CCHCR1: variants seen among roughly 807,000 people sequenced by gnomAD.
CCHCR1 encodes the protein coiled-coil alpha-helical rod protein 1, also known as HCR (a-helix coiled-coil rod homologue).
In CCHCR1, 91 loss-of-function variants were observed where a neutral mutation model predicts 114.6. The observed-to-expected ratio is 0.79, with a 90% CI of 0.67 to 0.94. The LOEUF (loss-of-function observed/expected upper bound fraction) is 0.94. CCHCR1 is among the 40% of genes least tolerant of loss of function. CCHCR1 has a pLI of 0.00. For synonymous variants in CCHCR1, 379 were observed against 428.5 expected (o/e 0.88, Z 1.43); for missense variants, 899 against 1,079.9 (o/e 0.83, Z 2.35).
chr6:31,148,296 T>A, intron 10 of CCHCR1, 109 bp downstream of exon 10: 1 of 702,612 alleles, frequency 1.4e-6, no homozygotes, highest in Non-Finnish European at 2.5e-6. Context: ...CCCTGTAGCC[T>A]CCAGTGGCCA....
At position 31,151,853 on chromosome 6, in the gene CCHCR1, C is replaced by T. The variant is rs1775272656; in HGVS notation, c.802-731G>A. ...GAGCCACCAAGAGTCATGGGATGGA[C>T]TGGAAAGGAGGGCAAAGTGCCCACC... On this transcript the variant is annotated intron_variant, in intron 4 of 17. Coordinates refer to ENST00000396268, the MANE Select transcript of CCHCR1 (RefSeq NM_001105564.2). This position sits in a 1 kb window ranked among gnomAD's most constrained non-coding sequence, Gnocchi z 4.1. 6.6e-6 allele frequency among the ~76,000 whole-genome samples: 1 copy of T among 152,162 alleles called. No homozygotes were observed.
At position 31,150,573 on chromosome 6, in the gene CCHCR1, C is replaced by T; in HGVS notation, c.1102-8G>A. The stretch of plus-strand genomic sequence containing the variant: ...CCGGTCCTCCTGCAAGTGCTGCGGG[C>T]AGAGGAAAGCAGCCCCTCTGTAGGG... On this transcript the variant is annotated splice_polypyrimidine_tract_variant and splice_region_variant and intron_variant, in intron 6 of 17. Transcript: ENST00000396268. The surrounding 1 kb of genome is among the most constrained non-coding windows in gnomAD (Gnocchi z 5.3). 6.2e-7 allele frequency: 1 copy of T among 1,608,100 alleles called. No individual in the cohort carries two copies. Among genetic ancestry groups the T allele is most frequent in the South Asian group, 1.1e-5 (1 of 90,738 alleles).
rs1774977819 is a variant in CCHCR1 at position 31,150,018 on chromosome 6, G to C, written c.1362+48C>G. 1 of 1,601,154 alleles carries C rather than the reference G, an allele frequency of 6.2e-7. No individual in the cohort carries two copies. The highest frequency in any genetic ancestry group is 8.6e-7 in the Non-Finnish European group (1 of 1,169,438). ...TGAATGGATGCCACCTTCATGGAAG[G>C]AGCAAGGTGCTGGGAGGGAATACCG... On this transcript the variant is annotated intron_variant, in intron 8 of 17. Coordinates refer to ENST00000396268, the MANE Select transcript of CCHCR1 (RefSeq NM_001105564.2). The surrounding 1 kb of genome is among the most constrained non-coding windows in gnomAD (Gnocchi z 5.3).
Position 31,144,750 on chromosome 6 carries a change from G to A in CCHCR1, c.2104C>T (p.Arg702Trp), listed in dbSNP as rs765641720. ...EKVAEVETRLREQLSDTERRL... is the reference protein window; with the variant it reads ...EKVAEVETRLWEQLSDTERRL... ...CTCTCTGTGTCTGAGAGTTGCTCCC[G>A]CAGCCGAGTTTCCACTTCAGCCACC... The change falls in exon 15 of 18, where the codon CGG (arginine) becomes TGG (tryptophan). Residue 702 changes from arginine to tryptophan, a missense_variant. Arg to Trp is a moderately radical substitution (Grantham distance 101). Transcript: ENST00000396268. This position sits in a 1 kb window ranked among gnomAD's most constrained non-coding sequence, Gnocchi z 4.6. 5.0e-6 allele frequency: 8 copies of A among 1,613,732 alleles called. No individual in the cohort carries two copies. In the African/African-American group the frequency reaches 5.3e-5, roughly 11 times the overall value.
At chr6:31,148,586 C>T (rs1033734996) in intron 9 of CCHCR1, 32 bp downstream of exon 9, 2 of 1,598,012 alleles carry the variant, frequency 1.3e-6, no homozygotes, top group Non-Finnish European at 8.6e-7. Flanking sequence ...GCTCCCTTGC[C>T]CTCCCCGAGT....
chr6:31,144,431 GT>G lies in CCHCR1; in HGVS notation c.2167+255del. On this transcript the variant is annotated intron_variant, in intron 15 of 17. Coordinates refer to ENST00000396268, the MANE Select transcript of CCHCR1 (RefSeq NM_001105564.2). The surrounding 1 kb of genome is among the most constrained non-coding windows in gnomAD (Gnocchi z 4.6). ...GCTGGCCTCAAACTCCTGACCTCAG[GT>G]GATACACCCACCTCGGCCTCCCAAA... The G allele has an allele frequency of 2.4e-6, 1 of 425,020 alleles. No homozygotes were observed. Among genetic ancestry groups the G allele is most frequent in the Non-Finnish European group, 4.2e-6 (1 of 240,734 alleles). 26.3% of individuals were successfully genotyped at this position (425,020 alleles called of 1,614,324 possible).
At position 31,154,173 on chromosome 6, in the gene CCHCR1, C is replaced by G. The variant is rs963705261; in HGVS notation, c.801+323G>C. 6.6e-6 allele frequency among the ~76,000 whole-genome samples: 1 copy of G among 152,126 alleles called. No homozygotes were observed. Among genetic ancestry groups the G allele is most frequent in the South Asian group, 2.1e-4 (1 of 4,832 alleles). On this transcript the variant is annotated intron_variant, in intron 4 of 17. Coordinates refer to ENST00000396268, the MANE Select transcript of CCHCR1 (RefSeq NM_001105564.2). This position sits in a 1 kb window ranked among gnomAD's most constrained non-coding sequence, Gnocchi z 4.1. ...ACCATAGCCCCCTTATACCCACCTT[C>G]CTCACTGCCCTCCACAATACCCCTG...
intron 10 of CCHCR1, among the ~76,000 whole-genome samples, chr6:31,147,622 G>C (rs1774542865): frequency 1.3e-5 from 2 of 152,144 alleles, no homozygotes; most frequent in African/African-American, 4.8e-5. Flanking sequence ...ATTTTAGATG[G>C]AATAGTAAGC....
intron 3 of CCHCR1, among the ~76,000 whole-genome samples, chr6:31,155,135 G>T (rs1012068068): frequency 6.6e-6 from 1 of 152,048 alleles, no homozygotes; most frequent in African/African-American, 2.4e-5. Flanking sequence ...TTTTTTGGTG[G>T]TTTTTTTGTC....
At chr6:31,146,034 C>T (rs1390120527) in intron 10 of CCHCR1, among the ~76,000 whole-genome samples, 3 of 152,190 alleles carry the variant, frequency 2.0e-5, no homozygotes, top group East Asian at 1.9e-4. Context: ...TGCTCACTAT[C>T]GTGTATCAAA....
intron 10 of CCHCR1, among the ~76,000 whole-genome samples, chr6:31,146,862 C>T (rs1389854507): frequency 1.3e-5 from 2 of 152,112 alleles, no homozygotes; most frequent in Non-Finnish European, 1.5e-5. Flanking sequence ...AGGGGGCACC[C>T]GCGATGGATT....
Position 31,157,699 on chromosome 6 carries a change from G to C in CCHCR1, c.-99C>G, listed in dbSNP as rs2151077740. The C allele has an allele frequency of 2.1e-6, 2 of 949,806 alleles. No individual in the cohort carries two copies. Among genetic ancestry groups the C allele is most frequent in the Non-Finnish European group, 3.1e-6 (2 of 637,082 alleles). 58.8% of individuals were successfully genotyped at this position (949,806 alleles called of 1,614,324 possible). ...GACATCTTATTCAAATCTTTCCTGC[G>C]GCTGTTCTCTCAGCTTCTCTCTACT... is the stretch of plus-strand genomic sequence containing the variant. On this transcript the variant is annotated 5_prime_UTR_variant, in exon 1 of 18. Coordinates refer to ENST00000396268, the MANE Select transcript of CCHCR1 (RefSeq NM_001105564.2).
chr6:31,149,984 A>G, intron 8 of CCHCR1, 82 bp downstream of exon 8: 1 of 1,510,154 alleles, frequency 6.6e-7, no homozygotes, highest in Non-Finnish European at 9.1e-7. Flanking sequence ...CCACTCAATA[A>G]ACACTGGTTG....
rs749891944 is a variant in CCHCR1 at position 31,156,720 on chromosome 6, T to C, written c.497+11A>G. The C allele has an allele frequency of 8.7e-6, 14 of 1,605,726 alleles. No homozygotes were observed. In the South Asian group the frequency reaches 1.5e-4, roughly 18 times the overall value. Reference sequence around the variant, plus strand: ...AGCAAGCCTGAGAAAACGGCGTGGATGGATCCCTACCTGCCTCTCCGCCCT... The same window carrying C: ...AGCAAGCCTGAGAAAACGGCGTGGACGGATCCCTACCTGCCTCTCCGCCCT... On this transcript the variant is annotated intron_variant, in intron 3 of 17. Coordinates refer to ENST00000396268, the MANE Select transcript of CCHCR1 (RefSeq NM_001105564.2).
At chr6:31,146,985 A>G (rs2240062) in intron 10 of CCHCR1, among the ~76,000 whole-genome samples, 127,738 of 152,160 alleles carry the variant, frequency 0.84, 53,865 homozygotes, top group Middle Eastern at 0.95. Context: ...GAAGGAAGTG[A>G]TGGGCAAGGA....
chr6:31,156,993 C>T (rs759094226), intron 2 of CCHCR1, 30 bp downstream of exon 2: 1 of 1,610,892 alleles, frequency 6.2e-7, no homozygotes, highest in Non-Finnish European at 8.5e-7. Context: ...GCAGAGACAA[C>T]CACCACTCCC....
Position 31,153,468 on chromosome 6 carries a change from G to C in CCHCR1, c.801+1028C>G, listed in dbSNP as rs1208656280. 1.3e-5 allele frequency among the ~76,000 whole-genome samples: 2 copies of C among 151,762 alleles called. 1 individual carries two copies. On this transcript the variant is annotated intron_variant, in intron 4 of 17. Coordinates refer to ENST00000396268, the MANE Select transcript of CCHCR1 (RefSeq NM_001105564.2). ...CTAATGTTCATGTTATAAAGTCAATGGATCAATTTTTTCCTTTATGGCTTC... is the reference window on the plus strand; with the variant it reads ...CTAATGTTCATGTTATAAAGTCAATCGATCAATTTTTTCCTTTATGGCTTC...
rs1388206056 is a variant in CCHCR1, at chr6:31,150,894, T to C, written c.966-34A>G. The stretch of plus-strand genomic sequence containing the variant: ...GGGGTGGGAATGGGACAGCCATCAG[T>C]GGGGCGCCCTGCAGATCCACCACAT... On this transcript the variant is annotated intron_variant, in intron 5 of 17. Coordinates refer to ENST00000396268, the MANE Select transcript of CCHCR1 (RefSeq NM_001105564.2). This position sits in a 1 kb window ranked among gnomAD's most constrained non-coding sequence, Gnocchi z 5.3. 3.4e-5 allele frequency: 54 copies of C among 1,611,428 alleles called. No individual in the cohort carries two copies. The highest frequency in any genetic ancestry group is 4.6e-5 in the Non-Finnish European group (54 of 1,179,206).
chr6:31,149,744 T>G, intron 8 of CCHCR1: 1 of 280,996 alleles, frequency 3.6e-6, no homozygotes, highest in Non-Finnish European at 6.8e-6. Context: ...GGCTCACACC[T>G]GTAATCCCAT....
Sources: gnomAD v4.1 joint callset for allele counts (sites outside exome capture counted in the v4.1 genomes callset) on GRCh38, gnomAD v4.1.1 for gene constraint, Gnocchi (gnomAD v3.1) non-coding constraint, MANE v1.5 for transcripts, NCBI Gene and HGNC (gene_info 2026-07-23, HGNC 2026-07-21) for gene names.